The following FYB1 variants were observed in gnomAD, a reference collection of about 807,000 sequenced individuals.
The protein encoded by FYB1 is FYN-binding protein 1.
A neutral mutation model predicts 94.1 loss-of-function variants in FYB1; 41 were observed. The ratio of observed to expected loss-of-function variants is 0.44; its 90% CI spans 0.34 to 0.57. The LOEUF is 0.57. Ranked by LOEUF, FYB1 falls within the 20% of genes least tolerant of loss-of-function variation. FYB1 has a pLI of 0.02. For missense variants in FYB1, 1,050 were observed against 976.8 expected (o/e 1.07, Z -1.00); for synonymous variants, 367 against 353.2 (o/e 1.04, Z -0.44).
chr5:39,256,591 T>C (rs973930291), intron 1 of FYB1, among the ~76,000 whole-genome samples: 1 of 152,198 alleles, frequency 6.6e-6, no homozygotes, highest in Non-Finnish European at 1.5e-5. Context: ...ACAGGTGGAC[T>C]TTGCTTAGAA....
At chr5:39,258,312 G>A (rs1321573463) in intron 1 of FYB1, among the ~76,000 whole-genome samples, 1 of 152,110 alleles carries the variant, frequency 6.6e-6, no homozygotes, top group Admixed American at 6.5e-5. Context: ...CGAAAGATAT[G>A]AAGCTAGCCG....
intron 1 of FYB1, among the ~76,000 whole-genome samples, chr5:39,251,644 T>A (rs1751713439): frequency 6.6e-6 from 1 of 152,158 alleles, no homozygotes. Flanking sequence ...TAATCCTTTT[T>A]TTTTGAAACA....
rs143602461 is a variant in FYB1, at chr5:39,124,677, T to G, written c.2046-399A>C. ...TCTGCCTCCAAACTGCTTATTTGAA[T>G]TAAAGAGCAGAAATACAGACTCAAA... On this transcript the variant is annotated intron_variant, in intron 12 of 18. Transcript: ENST00000512982. Among the ~76,000 whole-genome samples the G allele has an allele frequency of 1.3e-4, 20 of 152,074 alleles. 1 individual carries two copies. In the East Asian group the frequency reaches 3.7e-3, roughly 28 times the overall value.
intron 1 of FYB1, among the ~76,000 whole-genome samples, chr5:39,230,172 A>G (rs1750659080): frequency 6.6e-6 from 1 of 152,194 alleles, no homozygotes; most frequent in South Asian, 2.1e-4. Context: ...TTAGGTTAAG[A>G]ATCTTAAAAT....
intron 2 of FYB1, among the ~76,000 whole-genome samples, chr5:39,154,717 A>G (rs1743592497): frequency 6.6e-6 from 1 of 151,698 alleles, no homozygotes; most frequent in South Asian, 2.1e-4. Flanking sequence ...TTGTATTTTT[A>G]GTAGAGATGG....
intron 9 of FYB1, among the ~76,000 whole-genome samples, chr5:39,132,453 A>G (rs1741284803): frequency 6.6e-6 from 1 of 152,198 alleles, no homozygotes; most frequent in Non-Finnish European, 1.5e-5. Context: ...GATGCTAGTA[A>G]ATATTGTGGG....
intron 2 of FYB1, among the ~76,000 whole-genome samples, chr5:39,190,369 G>C (rs895840471): frequency 6.6e-6 from 1 of 152,278 alleles, no homozygotes; most frequent in East Asian, 1.9e-4. Flanking sequence ...GCAGGTGATG[G>C]AATGTTCCTT....
chr5:39,141,701 TGCACCGACC>T (rs1241920937), intron 3 of FYB1, among the ~76,000 whole-genome samples: 18 of 152,132 alleles, frequency 1.2e-4, no homozygotes, highest in African/African-American at 4.3e-4. Context: ...CAATTACTTT[TGCACCGACC>T]TAATACAAAA....
At chr5:39,145,908 T>C (rs1283112097) in intron 3 of FYB1, among the ~76,000 whole-genome samples, 1 of 146,756 alleles carries the variant, frequency 6.8e-6, no homozygotes, top group Non-Finnish European at 1.5e-5. Flanking sequence ...TTCTTTTTTT[T>C]TTTCTTTTTT....
chr5:39,218,215 C>A (rs1184228253), intron 1 of FYB1, among the ~76,000 whole-genome samples: 1 of 152,204 alleles, frequency 6.6e-6, no homozygotes, highest in Non-Finnish European at 1.5e-5. Flanking sequence ...TCAACTTTTC[C>A]ACGGGGTGCC....
intron 2 of FYB1, among the ~76,000 whole-genome samples, chr5:39,156,363 G>T (rs1476409500): frequency 6.6e-6 from 1 of 152,194 alleles, no homozygotes; most frequent in African/African-American, 2.4e-5. Context: ...AACTAGAAGG[G>T]GGTCCTCCTT....
intron 9 of FYB1, among the ~76,000 whole-genome samples, chr5:39,130,835 A>G (rs1017419251): frequency 1.3e-5 from 2 of 152,174 alleles, no homozygotes; most frequent in Non-Finnish European, 2.9e-5. Context: ...TAAGTTAATT[A>G]TGCACTATAT....
At chr5:39,170,478 T>C (rs1745152081) in intron 2 of FYB1, 1 of 336,204 alleles carries the variant, frequency 3.0e-6, no homozygotes, top group Non-Finnish European at 5.5e-6. Flanking sequence ...TTTTTCTGAT[T>C]CCCTACATCC....
intron 2 of FYB1, among the ~76,000 whole-genome samples, chr5:39,200,167 A>G (rs1278468485): frequency 2.0e-5 from 3 of 152,200 alleles, no homozygotes; most frequent in African/African-American, 7.2e-5. Flanking sequence ...GGAGAGGAGA[A>G]GGAGAACAAG....
intron 2 of FYB1, among the ~76,000 whole-genome samples, chr5:39,165,903 T>C (rs549325204): frequency 1.3e-5 from 2 of 152,094 alleles, no homozygotes; most frequent in South Asian, 2.1e-4. Flanking sequence ...CACCAGAGAA[T>C]TGCAAATTAA....
rs760474346 is a variant in FYB1, at chr5:39,202,324, C to T, written c.637G>A (p.Glu213Lys). 2.2e-5 allele frequency: 35 copies of T among 1,613,592 alleles called. No homozygotes were observed. The highest frequency in any genetic ancestry group is 1.6e-4 in the Middle Eastern group (1 of 6,074). ...GAAGACACATTCTTCATGGGGCTTT[C>T]GTCTTCATGGGAGTTCTCGGTACTT... ...PLSTENSHED[E>K]SPMKNVSSSK... The change falls in exon 2 of 19, where the codon GAA becomes AAA. Residue 213 changes from glutamate (E) to lysine (K), a missense_variant. Glu to Lys is a moderately conservative substitution (Grantham distance 56). Coordinates refer to ENST00000512982, the MANE Select transcript of FYB1 (RefSeq NM_001465.6).
intron 16 of FYB1, among the ~76,000 whole-genome samples, chr5:39,113,462 G>A (rs1739253469): frequency 6.6e-6 from 1 of 152,036 alleles, no homozygotes; most frequent in African/African-American, 2.4e-5. Flanking sequence ...AATATGTGGT[G>A]GGGTAGAGCT....
At chr5:39,143,048 T>A (rs1742323941) in intron 3 of FYB1, among the ~76,000 whole-genome samples, 1 of 152,222 alleles carries the variant, frequency 6.6e-6, no homozygotes. Context: ...TTTTTCACTT[T>A]GCAGTTTTTC....
Position 39,110,209 on chromosome 5 carries a change from C to T in FYB1, c.2435+147G>A, listed in dbSNP as rs573378756. On this transcript the variant is annotated intron_variant, in intron 17 of 18. Coordinates refer to ENST00000512982, the MANE Select transcript of FYB1 (RefSeq NM_001465.6). Reference sequence around the variant, plus strand: ...ACCTAAACTTTATTATGGATACTAACATGTTAACGTTAGTATAGCATATTG... The same window carrying T: ...ACCTAAACTTTATTATGGATACTAATATGTTAACGTTAGTATAGCATATTG... 294 of 480,932 alleles carry T rather than the reference C, an allele frequency of 6.1e-4. 7 individuals are homozygous for T. The South Asian group carries it at 0.013, about 22-fold the overall frequency. 29.8% of individuals were successfully genotyped at this position (480,932 alleles called of 1,614,324 possible).
Sources: gnomAD v4.1 joint callset for allele counts (sites outside exome capture counted in the v4.1 genomes callset) on GRCh38, gnomAD v4.1.1 for gene constraint, MANE v1.5 for transcripts, NCBI Gene and HGNC (gene_info 2026-07-23, HGNC 2026-07-21) for gene names.